The following TNIK variants were observed in gnomAD, a reference collection of about 807,000 sequenced individuals.
TNIK encodes the protein TRAF2 and NCK interacting kinase.
A neutral mutation model predicts 191.3 loss-of-function variants in TNIK; 49 were observed. The ratio of observed to expected loss-of-function variants is 0.26; its 90% CI spans 0.20 to 0.32. The LOEUF is 0.32. Among genes scored for constraint, TNIK ranks in the 10% least tolerant of loss-of-function variants. The probability of loss-of-function intolerance (pLI) is 1.00; values close to 1 mark genes in which losing one functional copy is unlikely to be tolerated. For synonymous variants in TNIK, 594 were observed against 600.9 expected (o/e 0.99, Z 0.17); for missense variants, 1,155 against 1,702.3 (o/e 0.68, Z 5.66).
At chr3:171,244,969 T>C (rs1745432524) in intron 2 of TNIK, among the ~76,000 whole-genome samples, 1 of 152,112 alleles carries the variant, frequency 6.6e-6, no homozygotes, top group Non-Finnish European at 1.5e-5. Flanking sequence ...TGTATAAACT[T>C]CATAACTGCT....
At chr3:171,325,082 C>A (rs1260445319) in intron 2 of TNIK, among the ~76,000 whole-genome samples, 2 of 151,968 alleles carry the variant, frequency 1.3e-5, no homozygotes, top group Non-Finnish European at 2.9e-5. Context: ...GCCTGGGCAA[C>A]AGAGCCAGAC....
In TNIK at chr3:171,085,101, G is replaced by A. The variant is rs1461847243; in HGVS notation, c.2998+17C>T. ...AAGACGAAGCTGTTTTTTAAACACAGGGCCCTTCTTGCTTACCTGCGGCTG... is the reference window on the plus strand; with the variant it reads ...AAGACGAAGCTGTTTTTTAAACACAAGGCCCTTCTTGCTTACCTGCGGCTG... On this transcript the variant is annotated intron_variant, in intron 25 of 32. Coordinates refer to ENST00000436636, the MANE Select transcript of TNIK (RefSeq NM_015028.4). 13 of 1,585,748 alleles carry A rather than the reference G, an allele frequency of 8.2e-6. No homozygotes were observed. The highest frequency in any genetic ancestry group is 8.6e-6 in the Non-Finnish European group (10 of 1,164,618).
intron 18 of TNIK, among the ~76,000 whole-genome samples, chr3:171,113,967 G>C (rs142544878): frequency 1.1e-4 from 17 of 148,154 alleles, no homozygotes; most frequent in Non-Finnish European, 2.4e-4. Flanking sequence ...GTGGTGCTGG[G>C]AGGCAGCTGC....
chr3:171,450,561 A>G (rs1728047258), intron 1 of TNIK, among the ~76,000 whole-genome samples: 1 of 152,220 alleles, frequency 6.6e-6, no homozygotes, highest in Admixed American at 6.5e-5. Context: ...GGTAAATTGG[A>G]TCACCAATCA....
intron 18 of TNIK, among the ~76,000 whole-genome samples, chr3:171,121,244 CT>C (rs147300117): frequency 0.011 from 1,631 of 152,248 alleles, 30 homozygotes; most frequent in African/African-American, 0.037. Context: ...GGATGGTTGT[CT>C]GATAAATGGC....
At chr3:171,219,386 A>G (rs1304229393) in intron 3 of TNIK, among the ~76,000 whole-genome samples, 1 of 148,934 alleles carries the variant, frequency 6.7e-6, no homozygotes, top group Non-Finnish European at 1.5e-5. Flanking sequence ...ATATACATAT[A>G]ATACACATAT....
chr3:171,249,150 A>G (rs1745948802), intron 2 of TNIK, among the ~76,000 whole-genome samples: 1 of 152,260 alleles, frequency 6.6e-6, no homozygotes, highest in African/African-American at 2.4e-5. Context: ...TAGCTATTGA[A>G]CATGGCAACA....
At chr3:171,396,375 T>C (rs1720255922) in intron 1 of TNIK, among the ~76,000 whole-genome samples, 1 of 152,268 alleles carries the variant, frequency 6.6e-6, no homozygotes, top group African/African-American at 2.4e-5. Context: ...CATTGTATTG[T>C]TTCTGTCTTT....
At chr3:171,095,937 A>G (rs745374667) in intron 22 of TNIK, among the ~76,000 whole-genome samples, 27 of 152,206 alleles carry the variant, frequency 1.8e-4, no homozygotes, top group Non-Finnish European at 3.2e-4. Context: ...TGGCATTTTG[A>G]TAGATTGGTA....
intron 30 of TNIK, 45 bp downstream of exon 30, chr3:171,068,803 G>C (rs764717662): frequency 6.5e-6 from 10 of 1,546,180 alleles, no homozygotes; most frequent in South Asian, 1.3e-5. Context: ...CTACATGCAG[G>C]CTGTTGTACA....
In TNIK at chr3:171,139,395, CACACACACACACACACACAA is replaced by C. The variant is rs1479316788; in HGVS notation, c.1419+55_1419+74del. ...GCACGCGCGCACACACACACACACA[CACACACACACACACACACAA>C]ACACTTGCAAGATGAACACAGAGCA... is the stretch of plus-strand genomic sequence containing the variant. On this transcript the variant is annotated intron_variant, in intron 14 of 32. Transcript: ENST00000436636. 5.2e-5 allele frequency: 66 copies of C among 1,261,402 alleles called. No individual in the cohort carries two copies. In the African/African-American group the frequency reaches 9.7e-4, roughly 18 times the overall value. The allele number at this position is 1,261,402 out of a possible 1,614,324, so 78.1% of individuals were successfully genotyped here. A position where few individuals can be genotyped will look rare whatever the true frequency, so the allele number is the denominator to read the frequency against.
chr3:171,251,720 G>A (rs1300661228), intron 2 of TNIK, among the ~76,000 whole-genome samples: 4 of 152,118 alleles, frequency 2.6e-5, no homozygotes, highest in African/African-American at 9.7e-5. Flanking sequence ...AATGAATGTT[G>A]TCTCTAGGCA....
intron 1 of TNIK, among the ~76,000 whole-genome samples, chr3:171,392,134 G>C (rs762017785): frequency 6.6e-6 from 1 of 152,084 alleles, no homozygotes; most frequent in African/African-American, 2.4e-5. Flanking sequence ...TCATTAAAAA[G>C]AAATTACATT....
chr3:171,436,067 G>C (rs1198492858), intron 1 of TNIK, among the ~76,000 whole-genome samples: 1 of 150,010 alleles, frequency 6.7e-6, no homozygotes, highest in Non-Finnish European at 1.5e-5. Context: ...TCATAGCATT[G>C]GGAATCACTG....
chr3:171,183,431 T>C (rs982980987), intron 7 of TNIK, among the ~76,000 whole-genome samples: 2 of 152,160 alleles, frequency 1.3e-5, no homozygotes, highest in Non-Finnish European at 2.9e-5. Flanking sequence ...GGTAACTTAT[T>C]TGTGACTAGT....
chr3:171,071,808 T>A (rs184217570), intron 28 of TNIK, among the ~76,000 whole-genome samples: 4 of 152,310 alleles, frequency 2.6e-5, no homozygotes, highest in Non-Finnish European at 5.9e-5. Context: ...ATTGCTTATT[T>A]ATGCTTCTAA....
chr3:171,211,963 T>C (rs1326396499), intron 3 of TNIK, among the ~76,000 whole-genome samples: 1 of 152,194 alleles, frequency 6.6e-6, no homozygotes, highest in East Asian at 1.9e-4. Flanking sequence ...GTCCTGGCAG[T>C]GCTGGTGGAG....
intron 2 of TNIK, among the ~76,000 whole-genome samples, chr3:171,244,824 T>C (rs1745409720): frequency 6.7e-6 from 1 of 149,740 alleles, no homozygotes; most frequent in African/African-American, 2.4e-5. Context: ...AAATATTATA[T>C]ATTTATTATT....
At chr3:171,201,607 G>T (rs890225025) in intron 4 of TNIK, among the ~76,000 whole-genome samples, 2 of 152,094 alleles carry the variant, frequency 1.3e-5, no homozygotes, top group Non-Finnish European at 2.9e-5. Context: ...GGTACAGAAG[G>T]CTGCTTTATG....
Sources: allele counts gnomAD v4.1 joint callset (sites outside exome capture counted in the v4.1 genomes callset), GRCh38; gene constraint gnomAD v4.1.1; transcripts MANE v1.5; gene names NCBI Gene and HGNC (gene_info 2026-07-23, HGNC 2026-07-21).